PISD: variants seen among roughly 807,000 people sequenced by gnomAD.
PISD encodes the protein phosphatidylserine decarboxylase proenzyme, mitochondrial.
PISD carries 31 observed loss-of-function variants against 43.5 expected under a neutral mutation model. The observed-to-expected ratio is 0.71, with a 90% confidence interval of 0.54 to 0.96. PISD has a LOEUF of 0.96. Among genes scored for constraint, PISD ranks in the 40% least tolerant of loss-of-function variants. PISD has a pLI of 0.00. For missense variants in PISD, 523 were observed against 548.4 expected, an observed-to-expected ratio of 0.95 and a Z score of 0.46; for synonymous variants, 259 against 228.7, an observed-to-expected ratio of 1.13 and a Z score of -1.20.
intron 1 of PISD, among the ~76,000 whole-genome samples, chr22:31,651,576 C>T (rs906140139): frequency 4.6e-5 from 7 of 151,986 alleles, no homozygotes; most frequent in Non-Finnish European, 8.8e-5. Context: ...TGGAGAAACC[C>T]CATCTCTACT....
chr22:31,625,742 G>T, intron 3 of PISD: 1 of 1,570,140 alleles, frequency 6.4e-7, no homozygotes, highest in Non-Finnish European at 8.6e-7. Context: ...TGGGGTTAGG[G>T]CGCGGTGGGC....
intron 3 of PISD, chr22:31,623,788 G>A: frequency 1.2e-6 from 2 of 1,614,136 alleles, no homozygotes; most frequent in East Asian, 2.2e-5. Flanking sequence ...TTCAGAGCGG[G>A]TCTGGACATG....
chr22:31,621,146 T>C lies in PISD; in HGVS notation c.698-4A>G. 1.2e-6 allele frequency: 2 copies of C among 1,614,108 alleles called. No homozygotes were observed. The highest frequency in any genetic ancestry group is 1.7e-5 in the Admixed American group (1 of 60,010). On this transcript the variant is annotated splice_polypyrimidine_tract_variant and splice_region_variant and intron_variant, in intron 5 of 7. Coordinates refer to ENST00000439502, the MANE Select transcript of PISD (RefSeq NM_001326411.2). ...TTGAAGGAGTCACACGACGCGGCTG[T>C]GGAGTAGGAGCAGACGTGGGGGCCA...
intron 3 of PISD, among the ~76,000 whole-genome samples, chr22:31,634,834 CAAAAAA>C (rs33999998): frequency 0.028 from 2,259 of 81,090 alleles, 31 homozygotes; most frequent in African/African-American, 0.063. Flanking sequence ...GACTCCATCT[CAAAAAA>C]AAAAAAAAAA....
At chr22:31,658,725 G>A (rs2074244406) in intron 1 of PISD, among the ~76,000 whole-genome samples, 1 of 151,918 alleles carries the variant, frequency 6.6e-6, no homozygotes, top group South Asian at 2.1e-4. Flanking sequence ...CGGAGAGGAG[G>A]TCTCACTATG....
intron 1 of PISD, among the ~76,000 whole-genome samples, chr22:31,651,198 A>C (rs2074020384): frequency 6.6e-6 from 1 of 152,132 alleles, no homozygotes; most frequent in Admixed American, 6.5e-5. Flanking sequence ...TCCTGATCTC[A>C]TGTGATCCAC....
intron 3 of PISD, among the ~76,000 whole-genome samples, chr22:31,637,220 G>A (rs1455160620): frequency 2.7e-5 from 3 of 110,348 alleles, no homozygotes; most frequent in Admixed American, 1.0e-4. Flanking sequence ...AAAATTAGCC[G>A]GGCATGGTGG....
At position 31,618,861 on chromosome 22, in the gene PISD, C is replaced by T. The variant is rs1436715768; in HGVS notation, c.*751G>A. On this transcript the variant is annotated 3_prime_UTR_variant, in exon 8 of 8. Coordinates refer to ENST00000439502, the MANE Select transcript of PISD (RefSeq NM_001326411.2). ...AACTCTCCCATTTCCCCAGCTGGGC[C>T]TACTACCTGCCTGCCCTGTTCACTC... The T allele has an allele frequency of 6.2e-6, 1 of 161,390 alleles. No homozygotes were observed. Among genetic ancestry groups the T allele is most frequent in the Non-Finnish European group, 1.4e-5 (1 of 73,838 alleles). The allele number at this position is 161,390 out of a possible 1,614,324, so 10.0% of individuals were successfully genotyped here. A position where few individuals can be genotyped will look rare whatever the true frequency, so the allele number is the denominator to read the frequency against.
chr22:31,646,696 C>T (rs1477073751), intron 3 of PISD, among the ~76,000 whole-genome samples: 3 of 152,128 alleles, frequency 2.0e-5, no homozygotes, highest in African/African-American at 4.8e-5. Flanking sequence ...GTCACAGTCA[C>T]GTGCTACCTA....
intron 3 of PISD, among the ~76,000 whole-genome samples, chr22:31,624,500 C>T (rs1037277315): frequency 9.2e-5 from 14 of 152,092 alleles, no homozygotes; most frequent in Admixed American, 1.3e-4. Flanking sequence ...ATTTACACTC[C>T]GCCTACCACC....
intron 3 of PISD, among the ~76,000 whole-genome samples, chr22:31,622,521 G>C (rs2072642260): frequency 6.6e-6 from 1 of 152,240 alleles, no homozygotes; most frequent in Non-Finnish European, 1.5e-5. Context: ...GGGCCTGGAT[G>C]CAGCCAGTCT....
intron 3 of PISD, among the ~76,000 whole-genome samples, chr22:31,633,482 G>A (rs532967565): frequency 7.2e-5 from 11 of 152,120 alleles, no homozygotes; most frequent in Non-Finnish European, 1.3e-4. Flanking sequence ...TTGGGAGGCC[G>A]AGGCAGGCGG....
At position 31,625,731 on chromosome 22, in the gene PISD, G is replaced by C. The variant is rs573515462; in HGVS notation, c.322-3846C>G. 2.2e-5 allele frequency: 34 copies of C among 1,565,902 alleles called. No homozygotes were observed. The South Asian group carries it at 3.6e-4, about 17-fold the overall frequency. On this transcript the variant is annotated intron_variant, in intron 3 of 7. Transcript: ENST00000439502. ...CTTCCGGAGGTCGTGGCGGGGAACC[G>C]TGGGGTTAGGGCGCGGTGGGCAGCA...
At position 31,662,175 on chromosome 22, in the gene PISD, A is replaced by G; in HGVS notation, c.34T>C (p.Leu12=). Residue 12 remains leucine (L), a synonymous_variant, in exon 1 of 8, where the codon TTA becomes CTA. Transcript: ENST00000439502. ...ATSVGHRCLG[L]LHGVAPWRSS... ...CGCCACGGCGCGACCCCGTGCAGTA[A>G]TCCCAGACATCGGTGCCCCACGGAC... 1 of 1,606,392 alleles carries G rather than the reference A, an allele frequency of 6.2e-7. No homozygotes were observed. Among genetic ancestry groups the G allele is most frequent in the Non-Finnish European group, 8.5e-7 (1 of 1,179,824 alleles).
chr22:31,636,736 G>T (rs1411933512), intron 3 of PISD, among the ~76,000 whole-genome samples: 1 of 151,774 alleles, frequency 6.6e-6, no homozygotes, highest in African/African-American at 2.4e-5. Context: ...TAGAGACGGG[G>T]TTTCAACGTG....
intron 3 of PISD, chr22:31,638,381 C>G (rs184102885): frequency 1.0e-6 from 1 of 985,578 alleles, no homozygotes; most frequent in Admixed American, 6.1e-5. Flanking sequence ...CTTGACCTAA[C>G]TGCAAGCAAA....
chr22:31,635,678 T>C (rs1330901569), intron 3 of PISD, among the ~76,000 whole-genome samples: 1 of 152,126 alleles, frequency 6.6e-6, no homozygotes, highest in East Asian at 1.9e-4. Flanking sequence ...AGCTCCCAGG[T>C]GGGTCCTGGG....
chr22:31,622,550 G>A (rs1442234169), intron 3 of PISD, among the ~76,000 whole-genome samples: 3 of 152,216 alleles, frequency 2.0e-5, no homozygotes, highest in African/African-American at 4.8e-5. Flanking sequence ...CAGCCCTGCT[G>A]AGCCCCACCT....
chr22:31,640,879 T>TG, intron 3 of PISD, among the ~76,000 whole-genome samples: 4 of 94,462 alleles, frequency 4.2e-5, no homozygotes, highest in African/African-American at 1.3e-4. Context: ...CCACACCCGG[T>TG]GTTTTTTTTT....
Sources: allele counts gnomAD v4.1 joint callset (sites outside exome capture counted in the v4.1 genomes callset), GRCh38; gene constraint gnomAD v4.1.1; transcripts MANE v1.5; gene names NCBI Gene and HGNC (gene_info 2026-07-23, HGNC 2026-07-21).